Variants in NTNG2 observed in about 807,000 individuals in gnomAD.
NTNG2 encodes the protein netrin-G2.
A neutral mutation model predicts 47.6 loss-of-function variants in NTNG2; 15 were observed. That is an observed-to-expected ratio of 0.32 (90% CI 0.21 to 0.49). The LOEUF (loss-of-function observed/expected upper bound fraction) is 0.49. NTNG2 is among the 20% of genes least tolerant of loss of function. The probability of loss-of-function intolerance (pLI) is 0.99; values close to 1 mark genes in which losing one functional copy is unlikely to be tolerated. For missense variants in NTNG2, 578 were observed against 764.6 expected, an observed-to-expected ratio of 0.76 and a Z score of 2.88; for synonymous variants, 307 against 324.6, an observed-to-expected ratio of 0.95 and a Z score of 0.58.
In NTNG2 at chr9:132,164,036, T is replaced by G. The variant is rs1366275308; in HGVS notation, c.-484+1797T>G. The stretch of plus-strand genomic sequence containing the variant: ...CCTGCCGACTCCTCACTCTCTGCGC[T>G]CCTCCTCGTTATCCGGGGACTCCTG... On this transcript the variant is annotated intron_variant, in intron 1 of 7. Coordinates refer to ENST00000393229, the MANE Select transcript of NTNG2 (RefSeq NM_032536.4). 2.0e-5 allele frequency among the ~76,000 whole-genome samples: 3 copies of G among 152,132 alleles called. No individual in the cohort carries two copies. The East Asian group carries it at 5.8e-4, about 29-fold the overall frequency.
At chr9:132,187,903 C>A (rs910465940) in intron 2 of NTNG2, among the ~76,000 whole-genome samples, 1 of 152,228 alleles carries the variant, frequency 6.6e-6, no homozygotes, top group South Asian at 2.1e-4. Flanking sequence ...CAGAGGCGGA[C>A]AGCCCACTCC....
Position 132,231,216 on chromosome 9 carries a change from C to T in NTNG2, c.1054+621C>T, listed in dbSNP as rs538335438. ...CCCCAGGAGGGCGAGGGCGACATGG[C>T]GCCCACAGGTTATCAGTAAATGTCA... On this transcript the variant is annotated intron_variant, in intron 5 of 7. Coordinates refer to ENST00000393229, the MANE Select transcript of NTNG2 (RefSeq NM_032536.4). The surrounding 1 kb of genome is among the most constrained non-coding windows in gnomAD (Gnocchi z 4.1). 84 of 428,130 alleles carry T rather than the reference C, an allele frequency of 2.0e-4. No individual in the cohort carries two copies. Among genetic ancestry groups the T allele is most frequent in the South Asian group, 1.3e-3 (79 of 60,794 alleles). 26.5% of individuals were successfully genotyped at this position (428,130 alleles called of 1,614,324 possible).
chr9:132,240,000 C>T (rs960566990), intron 6 of NTNG2, among the ~76,000 whole-genome samples: 1 of 152,234 alleles, frequency 6.6e-6, no homozygotes, highest in African/African-American at 2.4e-5. Context: ...TGGGCAAAGA[C>T]CAAAGCCATG....
chr9:132,240,449 C>T (rs147747987), intron 6 of NTNG2, among the ~76,000 whole-genome samples: 33 of 152,354 alleles, frequency 2.2e-4, no homozygotes, highest in Non-Finnish European at 2.4e-4. Context: ...ACCAACTGGG[C>T]CCACCCCGGG....
At chr9:132,191,426 T>G (rs548348371) in intron 2 of NTNG2, among the ~76,000 whole-genome samples, 20 of 151,998 alleles carry the variant, frequency 1.3e-4, no homozygotes, top group African/African-American at 4.8e-4. Flanking sequence ...TGGCAATCAA[T>G]AAGAAAATAG....
In NTNG2 at chr9:132,163,545, C is replaced by T. The variant is rs537357819; in HGVS notation, c.-484+1306C>T. Among the ~76,000 whole-genome samples, 54 of 152,252 alleles carry T rather than the reference C, an allele frequency of 3.5e-4. No individual in the cohort carries two copies. The highest frequency in any genetic ancestry group is 1.1e-3 in the African/African-American group (45 of 41,562). On this transcript the variant is annotated intron_variant, in intron 1 of 7. Coordinates refer to ENST00000393229, the MANE Select transcript of NTNG2 (RefSeq NM_032536.4). This position sits in a 1 kb window ranked among gnomAD's most constrained non-coding sequence, Gnocchi z 7.2. ...CAAGCTCCCTTTCCCTCCCGGCAAC[C>T]GCCACTCTCCCCTGAAAGCAGATTT...
At chr9:132,204,844 C>T (rs77622207) in intron 3 of NTNG2, among the ~76,000 whole-genome samples, 7,069 of 151,936 alleles carry the variant, frequency 0.047, 459 homozygotes, top group African/African-American at 0.14. Context: ...GGGAGGCTGA[C>T]GCAGGAGGAT....
At chr9:132,179,597 T>TGAGAG (rs1254367432) in intron 2 of NTNG2, among the ~76,000 whole-genome samples, 6 of 152,062 alleles carry the variant, frequency 3.9e-5, no homozygotes, top group Non-Finnish European at 8.8e-5. Context: ...GCCTCATGAG[T>TGAGAG]GAGAGACTGG....
At chr9:132,209,605 G>A (rs2130815964) in intron 3 of NTNG2, among the ~76,000 whole-genome samples, 1 of 152,338 alleles carries the variant, frequency 6.6e-6, no homozygotes, top group East Asian at 1.9e-4. Flanking sequence ...GCCAGCGTGG[G>A]CCCATGGACC....
rs531401075 is a variant in NTNG2 at position 132,186,774 on chromosome 9, C to T, written c.214-11192C>T. Among the ~76,000 whole-genome samples the T allele has an allele frequency of 5.9e-5, 9 of 152,400 alleles. No individual in the cohort carries two copies. The East Asian group carries it at 1.7e-3, about 29-fold the overall frequency. On this transcript the variant is annotated intron_variant, in intron 2 of 7. Coordinates refer to ENST00000393229, the MANE Select transcript of NTNG2 (RefSeq NM_032536.4). ...CCGCGGATGCCCACCGCCTCTCCCC[C>T]AGGCAGCGTCCTACCTGGATAGAAC...
At chr9:132,238,944 C>A in intron 5 of NTNG2, 160 bp from the exon 6 acceptor site, 1 of 721,554 alleles carries the variant, frequency 1.4e-6, no homozygotes, top group Non-Finnish European at 2.4e-6. Context: ...CTTCCTGAAT[C>A]CGATGGAAGG....
intron 6 of NTNG2, 41 bp from the exon 7 acceptor site, chr9:132,240,868 AC>A (rs903727337): frequency 6.2e-7 from 1 of 1,611,896 alleles, no homozygotes; most frequent in African/African-American, 1.3e-5. Context: ...GACGGCGCCC[AC>A]ACGTAGCCCT....
rs1842029160 is a variant in NTNG2 at position 132,242,093 on chromosome 9, C to G, written c.1575C>G (p.Ala525=). 1.5e-5 allele frequency: 17 copies of G among 1,172,204 alleles called. No individual in the cohort carries two copies. The highest frequency in any genetic ancestry group is 1.8e-5 in the Non-Finnish European group (17 of 952,758). 72.6% of individuals were successfully genotyped at this position (1,172,204 alleles called of 1,614,324 possible). A position where few individuals can be genotyped will look rare whatever the true frequency, so the allele number is the denominator to read the frequency against. Residue 525 remains alanine (A), a synonymous_variant, in exon 8 of 8, where the codon GCC becomes GCG. Transcript: ENST00000393229. The surrounding 1 kb of genome is among the most constrained non-coding windows in gnomAD (Gnocchi z 5.9). ...GCTGCCTGCTGCTGCTGGGGCTGGC[C>G]GCCCGCCTGGGCCGCTGAGCCCCGC... The part of the protein sequence containing the change: ...LLGCLLLLGL[A]ARLGR
At chr9:132,239,382 T>C in intron 6 of NTNG2, 111 bp downstream of exon 6, 1 of 1,043,474 alleles carries the variant, frequency 9.6e-7, no homozygotes, top group Non-Finnish European at 1.4e-6. Context: ...GGGGAGACTG[T>C]GGGAATTCTA....
In NTNG2 at chr9:132,211,223, C is replaced by A. The variant is rs76117950; in HGVS notation, c.857+12614C>A. On this transcript the variant is annotated intron_variant, in intron 3 of 7. Transcript: ENST00000393229. ...CCTCTTTCCACTCTGTGGGACAAAG[C>A]CCCCTCTGGGCTTCTAACCATCCCT... Among the ~76,000 whole-genome samples the A allele has an allele frequency of 6.1e-3, 923 of 152,290 alleles. 15 individuals carry two copies. Among genetic ancestry groups the A allele is most frequent in the African/African-American group, 0.021 (881 of 41,558 alleles).
chr9:132,241,089 A>G (rs1841949979), intron 7 of NTNG2, 45 bp downstream of exon 7: 1 of 1,529,962 alleles, frequency 6.5e-7, no homozygotes, highest in Non-Finnish European at 8.7e-7. Flanking sequence ...CGGAAAGGGG[A>G]CGGGGCAGGA....
At chr9:132,241,434 T>C in intron 7 of NTNG2, 2 of 337,070 alleles carry the variant, frequency 5.9e-6, no homozygotes, top group Admixed American at 4.8e-5. Context: ...GGGCGGGGCC[T>C]GATGCGACCT....
At chr9:132,237,661 TGA>T (rs1376941282) in intron 5 of NTNG2, among the ~76,000 whole-genome samples, 2 of 152,180 alleles carry the variant, frequency 1.3e-5, no homozygotes, top group Non-Finnish European at 1.5e-5. Flanking sequence ...AAGGTTAAAC[TGA>T]GTCTCTCTTC....
chr9:132,166,847 G>A lies in NTNG2; in HGVS notation c.16G>A (p.Ala6Thr), dbSNP rs746354028. The change falls in exon 2 of 8, where the codon GCG (alanine) becomes ACG (threonine). Residue 6 changes from alanine (A) to threonine (T), a missense_variant. Coordinates refer to ENST00000393229, the MANE Select transcript of NTNG2 (RefSeq NM_032536.4). ...CTGCGCAGCCATGCTGCATCTGCTGGCGCTCTTCCTGCACTGCCTCCCTCT... is the reference window on the plus strand; with the variant it reads ...CTGCGCAGCCATGCTGCATCTGCTGACGCTCTTCCTGCACTGCCTCCCTCT... MLHLL[A>T]LFLHCLPLAS... 2 of 1,614,062 alleles carry A rather than the reference G, an allele frequency of 1.2e-6. No homozygotes were observed. The highest frequency in any genetic ancestry group is 1.7e-6 in the Non-Finnish European group (2 of 1,180,024).
Sources: gnomAD v4.1 joint callset for allele counts (sites outside exome capture counted in the v4.1 genomes callset) on GRCh38, gnomAD v4.1.1 for gene constraint, Gnocchi (gnomAD v3.1) non-coding constraint, MANE v1.5 for transcripts, NCBI Gene and HGNC (gene_info 2026-07-23, HGNC 2026-07-21) for gene names.